SORCS2: variants seen among roughly 807,000 people sequenced by gnomAD.
The protein encoded by SORCS2 is VPS10 domain-containing receptor SorCS2.
In SORCS2, 100 loss-of-function variants were observed where a neutral mutation model predicts 141.6. That is an observed-to-expected ratio of 0.71 (90% confidence interval 0.60 to 0.83). The LOEUF (loss-of-function observed/expected upper bound fraction) is 0.83, where lower values mean the gene tolerates loss of function less well. SORCS2 is among the 40% of genes least tolerant of loss of function. The pLI is 0.00. For synonymous variants in SORCS2, 789 were observed against 676.9 expected (o/e 1.17, Z -2.57); for missense variants, 1,646 against 1,560.2 (o/e 1.05, Z -0.93).
intron 3 of SORCS2, among the ~76,000 whole-genome samples, chr4:7,548,854 T>C (rs2109622716): frequency 6.6e-6 from 1 of 152,266 alleles, no homozygotes; most frequent in Non-Finnish European, 1.5e-5. Context: ...AGGAAGGCAA[T>C]AGCCTAAAAT....
At chr4:7,607,634 C>T (rs1255131983) in intron 3 of SORCS2, among the ~76,000 whole-genome samples, 2 of 152,218 alleles carry the variant, frequency 1.3e-5, no homozygotes, top group African/African-American at 4.8e-5. Context: ...TTCCCCAAGG[C>T]AACTGCATCC....
intron 3 of SORCS2, among the ~76,000 whole-genome samples, chr4:7,545,288 AAAAAT>A (rs928855823): frequency 1.3e-5 from 2 of 152,188 alleles, no homozygotes; most frequent in African/African-American, 2.4e-5. Flanking sequence ...ACCAGAGCCA[AAAAAT>A]AAAATAGAAA....
intron 10 of SORCS2, among the ~76,000 whole-genome samples, chr4:7,686,665 C>T (rs1159675324): frequency 1.3e-5 from 2 of 152,242 alleles, no homozygotes; most frequent in Admixed American, 6.5e-5. Flanking sequence ...GCTCCTGATG[C>T]GCACTGGCCT....
Position 7,433,684 on chromosome 4 carries a change from C to G in SORCS2, c.548+37329C>G, listed in dbSNP as rs764209016. 25 of 1,612,150 alleles carry G rather than the reference C, an allele frequency of 1.6e-5. No individual in the cohort carries two copies. The highest frequency in any genetic ancestry group is 2.7e-5 in the African/African-American group (2 of 74,936). ...GGAGGACACCGTGAGCAGCCTCTTGCACCCATTGCAGAAGCTGCCCTGGTT... is the reference window on the plus strand; with the variant it reads ...GGAGGACACCGTGAGCAGCCTCTTGGACCCATTGCAGAAGCTGCCCTGGTT... On this transcript the variant is annotated intron_variant, in intron 2 of 26. Coordinates refer to ENST00000507866, the MANE Select transcript of SORCS2 (RefSeq NM_020777.3).
intron 2 of SORCS2, among the ~76,000 whole-genome samples, chr4:7,470,928 G>A (rs1324281266): frequency 1.4e-5 from 2 of 146,734 alleles, no homozygotes; most frequent in Non-Finnish European, 3.0e-5. Context: ...TGATGAGGAG[G>A]AGGCAGATGA....
intron 3 of SORCS2, among the ~76,000 whole-genome samples, chr4:7,618,709 TC>T (rs1718926380): frequency 6.6e-6 from 1 of 152,094 alleles, no homozygotes; most frequent in South Asian, 2.1e-4. Context: ...TACCCTCCTT[TC>T]CCAGGTCACA....
At chr4:7,454,236 T>C (rs1440083217) in intron 2 of SORCS2, among the ~76,000 whole-genome samples, 4 of 87,120 alleles carry the variant, frequency 4.6e-5, no homozygotes, top group Admixed American at 2.9e-4. Flanking sequence ...TGGGGTCAGG[T>C]GCTGTGTGTT....
chr4:7,559,544 G>C (rs1056590874), intron 3 of SORCS2, among the ~76,000 whole-genome samples: 3 of 152,116 alleles, frequency 2.0e-5, no homozygotes, highest in African/African-American at 7.2e-5. Context: ...GCCAGCGGGG[G>C]CCCAGGTTAG....
intron 2 of SORCS2, among the ~76,000 whole-genome samples, chr4:7,440,142 A>G (rs1727564351): frequency 6.6e-6 from 1 of 152,208 alleles, no homozygotes; most frequent in African/African-American, 2.4e-5. Flanking sequence ...AAAAAGCTAC[A>G]TGCAAGGTAT....
At chr4:7,566,108 A>G (rs1714986399) in intron 3 of SORCS2, among the ~76,000 whole-genome samples, 1 of 139,226 alleles carries the variant, frequency 7.2e-6, no homozygotes, top group African/African-American at 2.8e-5. Flanking sequence ...TAATGTGATA[A>G]TGGTAATGGT....
chr4:7,498,013 C>T (rs992498826), intron 2 of SORCS2, among the ~76,000 whole-genome samples: 3 of 152,276 alleles, frequency 2.0e-5, no homozygotes, highest in African/African-American at 7.2e-5. Context: ...TTTCCCTGGG[C>T]TTGGAGATTC....
rs112605356 is a variant in SORCS2, at chr4:7,591,548, C to T, written c.649-46780C>T. Among the ~76,000 whole-genome samples, 342 of 152,324 alleles carry T rather than the reference C, an allele frequency of 2.2e-3. 1 individual carries two copies. Among genetic ancestry groups the T allele is most frequent in the African/African-American group, 7.6e-3 (317 of 41,568 alleles). On this transcript the variant is annotated intron_variant, in intron 3 of 26. Coordinates refer to ENST00000507866, the MANE Select transcript of SORCS2 (RefSeq NM_020777.3). Reference sequence around the variant, plus strand: ...GGACTTTTGGCTGTGGCAGAGCCAACGCTCATGCTCTCCCGGGTGGTCACG... The same window carrying T: ...GGACTTTTGGCTGTGGCAGAGCCAATGCTCATGCTCTCCCGGGTGGTCACG...
chr4:7,270,386 C>G (rs1715040847), intron 1 of SORCS2, among the ~76,000 whole-genome samples: 2 of 152,254 alleles, frequency 1.3e-5, no homozygotes, highest in South Asian at 4.1e-4. Flanking sequence ...CTGGTCCTGT[C>G]TAAACCCCGG....
chr4:7,644,454 C>T (rs948923686), intron 4 of SORCS2, among the ~76,000 whole-genome samples: 1 of 152,216 alleles, frequency 6.6e-6, no homozygotes, highest in East Asian at 1.9e-4. Flanking sequence ...GAAAAAGTCT[C>T]TGCCTCACTT....
intron 2 of SORCS2, chr4:7,433,498 G>T (rs754999685): frequency 6.3e-7 from 1 of 1,599,492 alleles, no homozygotes; most frequent in East Asian, 2.2e-5. Flanking sequence ...CTTGCACACA[G>T]CCACGGGGTC....
At chr4:7,434,264 C>A in intron 2 of SORCS2, 1 of 1,613,310 alleles carries the variant, frequency 6.2e-7, no homozygotes, top group Non-Finnish European at 8.5e-7. Context: ...ATGTTCAAGT[C>A]GGCCAAGGTC....
chr4:7,373,362 C>T (rs1177236984), intron 1 of SORCS2, among the ~76,000 whole-genome samples: 1 of 149,354 alleles, frequency 6.7e-6, no homozygotes, highest in Non-Finnish European at 1.5e-5. Context: ...GCTTATTTGC[C>T]ACCCATCTGT....
chr4:7,403,493 T>C (rs954056421), intron 2 of SORCS2, among the ~76,000 whole-genome samples: 4 of 151,816 alleles, frequency 2.6e-5, no homozygotes, highest in African/African-American at 7.3e-5. Context: ...TTTGAGGAGG[T>C]TGGTGGGGTG....
At chr4:7,502,424 T>G (rs1159298232) in intron 2 of SORCS2, among the ~76,000 whole-genome samples, 1 of 152,138 alleles carries the variant, frequency 6.6e-6, no homozygotes, top group Non-Finnish European at 1.5e-5. Flanking sequence ...GGATAATTTG[T>G]GTGAATGCGA....
Sources: gnomAD v4.1 joint callset for allele counts (sites outside exome capture counted in the v4.1 genomes callset) on GRCh38, gnomAD v4.1.1 for gene constraint, MANE v1.5 for transcripts, NCBI Gene and HGNC (gene_info 2026-07-23, HGNC 2026-07-21) for gene names.